Variants in ZNF423 observed in about 807,000 individuals in gnomAD.
The protein encoded by ZNF423 is zinc finger protein 423.
A neutral mutation model predicts 95.8 loss-of-function variants in ZNF423; 12 were observed. The ratio of observed to expected loss-of-function variants is 0.13; its 90% confidence interval spans 0.08 to 0.20. The LOEUF is 0.20. Among genes scored for constraint, ZNF423 ranks in the 10% least tolerant of loss-of-function variants. The pLI is 1.00. For missense variants in ZNF423, 1,316 were observed against 1,737.1 expected, an observed-to-expected ratio of 0.76 and a Z score of 4.31; for synonymous variants, 749 against 711.9, an observed-to-expected ratio of 1.05 and a Z score of -0.83.
intron 1 of ZNF423, among the ~76,000 whole-genome samples, chr16:49,824,748 T>C (rs905269697): frequency 1.3e-5 from 2 of 152,160 alleles, no homozygotes; most frequent in Admixed American, 6.5e-5. Flanking sequence ...GAAGGAAACC[T>C]GACCCCTTGC....
intron 7 of ZNF423, among the ~76,000 whole-genome samples, chr16:49,504,369 G>A (rs1386990139): frequency 6.6e-6 from 1 of 152,220 alleles, no homozygotes. Flanking sequence ...AACACTTGAG[G>A]CCACGAGTTC....
intron 1 of ZNF423, among the ~76,000 whole-genome samples, chr16:49,829,981 A>G (rs1324791022): frequency 2.0e-5 from 3 of 152,212 alleles, no homozygotes; most frequent in African/African-American, 7.2e-5. Flanking sequence ...AGAGTGGGCA[A>G]GTCAAACCTG....
intron 5 of ZNF423, among the ~76,000 whole-genome samples, chr16:49,548,817 G>A (rs78720964): frequency 0.012 from 1,891 of 152,140 alleles, 43 homozygotes; most frequent in African/African-American, 0.042. Context: ...ATCCACACCC[G>A]GACCCACACT....
rs1046902021 is a variant in ZNF423, at chr16:49,490,035, G to C, written c.*1240C>G. 6.6e-6 allele frequency: 1 copy of C among 152,304 alleles called. No individual in the cohort carries two copies. The highest frequency in any genetic ancestry group is 2.4e-5 in the African/African-American group (1 of 41,458). The allele number at this position is 152,304 out of a possible 1,614,324, so 9.4% of individuals were successfully genotyped here. A position where few individuals can be genotyped will look rare whatever the true frequency, so the allele number is the denominator to read the frequency against. On this transcript the variant is annotated 3_prime_UTR_variant, in exon 8 of 8. Coordinates refer to ENST00000563137, the MANE Select transcript of ZNF423 (RefSeq NM_001379286.1). ...CTGAAATAATGTACCCCAGGCCCCT[G>C]CCTGCCTCACTCCAGACCTGGCCCC...
intron 3 of ZNF423, among the ~76,000 whole-genome samples, chr16:49,679,800 T>C (rs2031274862): frequency 6.6e-6 from 1 of 152,248 alleles, no homozygotes; most frequent in South Asian, 2.1e-4. Flanking sequence ...GGGTCTGGGC[T>C]GTCAGTTCCA....
At chr16:49,838,698 G>C (rs1420132212) in intron 1 of ZNF423, among the ~76,000 whole-genome samples, 2 of 152,022 alleles carry the variant, frequency 1.3e-5, no homozygotes, top group Admixed American at 1.3e-4. Flanking sequence ...CAGACTCCGA[G>C]GGGCGGGCGG....
chr16:49,775,203 A>C (rs2034101407), intron 2 of ZNF423, among the ~76,000 whole-genome samples: 1 of 152,198 alleles, frequency 6.6e-6, no homozygotes, highest in Non-Finnish European at 1.5e-5. Flanking sequence ...ATTGTTACTG[A>C]GATGGTTCCT....
intron 5 of ZNF423, among the ~76,000 whole-genome samples, chr16:49,590,805 A>C (rs958291333): frequency 4.6e-5 from 7 of 152,174 alleles, no homozygotes; most frequent in African/African-American, 1.7e-4. Context: ...CAGCATCCTC[A>C]CACCACAACC....
chr16:49,645,803 A>G (rs1467915249), intron 3 of ZNF423, among the ~76,000 whole-genome samples: 1 of 152,156 alleles, frequency 6.6e-6, no homozygotes, highest in African/African-American at 2.4e-5. Flanking sequence ...AGCGATAGTG[A>G]GTAAGTTCTC....
At chr16:49,694,599 A>T (rs1362408) in intron 3 of ZNF423, among the ~76,000 whole-genome samples, 52,569 of 151,990 alleles carry the variant, frequency 0.35, 9,702 homozygotes, top group South Asian at 0.48. Context: ...TCCCATTCTT[A>T]ATACCCCCAG....
intron 5 of ZNF423, among the ~76,000 whole-genome samples, chr16:49,596,296 T>C (rs1971176920): frequency 6.6e-6 from 1 of 152,094 alleles, no homozygotes; most frequent in African/African-American, 2.4e-5. Context: ...AACAAATAGC[T>C]CAGGGGTGGA....
In ZNF423 at chr16:49,636,932, C is replaced by T. The variant is rs186112147; in HGVS notation, c.2244G>A (p.Ala748=). 73 of 1,613,736 alleles carry T rather than the reference C, an allele frequency of 4.5e-5. No individual in the cohort carries two copies. Among genetic ancestry groups the T allele is most frequent in the Admixed American group, 2.8e-4 (17 of 60,016 alleles). ...TCTTCTTCTCATTGCTGTGCTTCAC[C>T]GCCAGGTGCACCTGGATGGACACCT... ...DSKVSIQVHL[A]VKHSNEKKMY... is the part of the protein sequence containing the mutation. Residue 748 remains alanine (A), a synonymous_variant, in exon 4 of 8, where the codon GCG becomes GCA. Coordinates refer to ENST00000563137, the MANE Select transcript of ZNF423 (RefSeq NM_001379286.1). The surrounding 1 kb of genome is among the most constrained non-coding windows in gnomAD (Gnocchi z 8.6).
chr16:49,638,009 G>A lies in ZNF423; in HGVS notation c.1167C>T (p.Gly389=). ...TPDSSASVER[G]STPDSTLKPL... Reference sequence around the variant, plus strand: ...GCTTCAAGGTGGAGTCCGGGGTGGAGCCACGCTCCACAGAGGCGCTGGAGT... The same window carrying A: ...GCTTCAAGGTGGAGTCCGGGGTGGAACCACGCTCCACAGAGGCGCTGGAGT... Residue 389 remains glycine (G), a synonymous_variant, in exon 4 of 8, where the codon GGC becomes GGT. Coordinates refer to ENST00000563137, the MANE Select transcript of ZNF423 (RefSeq NM_001379286.1). This position sits in a 1 kb window ranked among gnomAD's most constrained non-coding sequence, Gnocchi z 5.6. The A allele has an allele frequency of 3.1e-6, 5 of 1,614,140 alleles. No homozygotes were observed. In the South Asian group the frequency reaches 4.4e-5, roughly 14 times the overall value.
intron 3 of ZNF423, among the ~76,000 whole-genome samples, chr16:49,694,540 C>T (rs571678233): frequency 1.3e-5 from 2 of 152,344 alleles, no homozygotes; most frequent in South Asian, 4.1e-4. Flanking sequence ...GATTGGAAAT[C>T]ATGCCCCCCG....
intron 1 of ZNF423, among the ~76,000 whole-genome samples, chr16:49,827,377 C>A (rs894452187): frequency 6.6e-5 from 10 of 152,054 alleles, no homozygotes; most frequent in African/African-American, 2.2e-4. Context: ...TGGTTACCAA[C>A]AACAACAAGC....
At chr16:49,565,819 G>C (rs1157107256) in intron 5 of ZNF423, among the ~76,000 whole-genome samples, 1 of 151,672 alleles carries the variant, frequency 6.6e-6, no homozygotes, top group Non-Finnish European at 1.5e-5. Context: ...TAGGGAAAGA[G>C]AGAAAGGAAG....
chr16:49,789,874 G>A (rs1316665127), intron 1 of ZNF423, among the ~76,000 whole-genome samples: 1 of 152,158 alleles, frequency 6.6e-6, no homozygotes, highest in African/African-American at 2.4e-5. Context: ...AAAGTGGTGA[G>A]TGCTCATGAC....
At chr16:49,572,543 T>C (rs533309007) in intron 5 of ZNF423, among the ~76,000 whole-genome samples, 40 of 152,248 alleles carry the variant, frequency 2.6e-4, no homozygotes, top group African/African-American at 9.1e-4. Flanking sequence ...GAGCATAAGA[T>C]AGCTGAGCAA....
intron 5 of ZNF423, among the ~76,000 whole-genome samples, chr16:49,548,269 T>C (rs1969508255): frequency 6.6e-6 from 1 of 152,184 alleles, no homozygotes; most frequent in African/African-American, 2.4e-5. Context: ...TTTATCAACA[T>C]TATTATATAC....
Sources: gnomAD v4.1 joint callset for allele counts (sites outside exome capture counted in the v4.1 genomes callset) on GRCh38, gnomAD v4.1.1 for gene constraint, Gnocchi (gnomAD v3.1) non-coding constraint, MANE v1.5 for transcripts, NCBI Gene and HGNC (gene_info 2026-07-23, HGNC 2026-07-21) for gene names.